NFIB: variants seen among roughly 807,000 people sequenced by gnomAD.
NFIB encodes the protein nuclear factor 1 B-type.
Under a neutral mutation model 61.5 loss-of-function variants are expected in NFIB, and 11 were observed. The ratio of observed to expected loss-of-function variants is 0.18; its 90% CI spans 0.11 to 0.30. The LOEUF (loss-of-function observed/expected upper bound fraction) is 0.30, where lower values mean the gene tolerates loss of function less well. Ranked by LOEUF, NFIB falls within the 10% of genes least tolerant of loss-of-function variation. The pLI is 1.00. For synonymous variants in NFIB, 260 were observed against 216.5 expected (o/e 1.20, Z -1.76); for missense variants, 471 against 608.9 (o/e 0.77, Z 2.38).
At chr9:14,294,330 T>C (rs2059284911) in intron 2 of NFIB, among the ~76,000 whole-genome samples, 2 of 152,250 alleles carry the variant, frequency 1.3e-5, no homozygotes, top group South Asian at 2.1e-4. Flanking sequence ...CAAGCATCTC[T>C]GAGAGGCTAT....
At chr9:14,235,084 G>T (rs182329676) in intron 2 of NFIB, among the ~76,000 whole-genome samples, 1 of 152,172 alleles carries the variant, frequency 6.6e-6, no homozygotes, top group Admixed American at 6.5e-5. Flanking sequence ...GCCTATAGAG[G>T]ATAATGATAA....
At chr9:14,178,379 A>C (rs1388823232) in intron 3 of NFIB, among the ~76,000 whole-genome samples, 2 of 152,224 alleles carry the variant, frequency 1.3e-5, no homozygotes, top group Admixed American at 6.5e-5. Flanking sequence ...ATTCACACAC[A>C]ACAAAATAAA....
chr9:14,385,820 T>C (rs989138785), intron 1 of NFIB, among the ~76,000 whole-genome samples: 1 of 151,894 alleles, frequency 6.6e-6, no homozygotes, highest in Admixed American at 6.6e-5. Context: ...TGTTTCTCTG[T>C]TTCCCAGGCT....
upstream of NFIB, among the ~76,000 whole-genome samples, chr9:14,401,693 C>T (rs1343274288): frequency 6.6e-6 from 1 of 152,166 alleles, no homozygotes; most frequent in Non-Finnish European, 1.5e-5. Context: ...TGGAAATAAG[C>T]AGTGATGCTG....
At chr9:14,429,840 A>C in the NFIB span, among the ~76,000 whole-genome samples, 1 of 152,314 alleles carries the variant, frequency 6.6e-6, no homozygotes, top group Middle Eastern at 3.4e-3. Context: ...CTGATGTAAT[A>C]AATTATTTTC....
intron 1 of NFIB, among the ~76,000 whole-genome samples, chr9:14,363,320 G>C (rs1306137940): frequency 6.6e-6 from 1 of 152,162 alleles, no homozygotes. Flanking sequence ...ACTGGCTACA[G>C]TTTTCAGCTT....
the NFIB span, among the ~76,000 whole-genome samples, chr9:14,406,541 G>C: frequency 6.6e-6 from 1 of 152,146 alleles, no homozygotes; most frequent in Admixed American, 6.5e-5. Flanking sequence ...TGATTGTGCT[G>C]TGTGTAGAAG....
the NFIB span, among the ~76,000 whole-genome samples, chr9:14,526,358 A>G: frequency 6.6e-6 from 1 of 152,212 alleles, no homozygotes; most frequent in Non-Finnish European, 1.5e-5. Context: ...TGAAATAATA[A>G]TAATGATCAT....
At chr9:14,453,976 G>A in the NFIB span, among the ~76,000 whole-genome samples, 2 of 152,032 alleles carry the variant, frequency 1.3e-5, no homozygotes, top group African/African-American at 4.8e-5. Context: ...TACTCAGGAG[G>A]CTGAGGCAGG....
rs67877825 is a variant in NFIB, at chr9:14,354,780, C to CTGTGTGTGTGTG, written c.108+43732_108+43743dup. ...TGGTTATCTCTATGTAATGGGTACT[C>CTGTGTGTGTGTG]TGTGTGTGTGTGTGTGTGTGTGTGT... On this transcript the variant is annotated intron_variant, in intron 1 of 8. Transcript: ENST00000380934. 8.0e-3 allele frequency among the ~76,000 whole-genome samples: 1,171 copies of CTGTGTGTGTGTG among 145,848 alleles called. 13 individuals carry two copies. The highest frequency in any genetic ancestry group is 0.026 in the African/African-American group (1,030 of 39,160).
chr9:14,486,443 G>T, the NFIB span, among the ~76,000 whole-genome samples: 6 of 152,144 alleles, frequency 3.9e-5, no homozygotes, highest in African/African-American at 1.4e-4. Context: ...TGGTGATCTG[G>T]ATTAAAAACT....
chr9:14,271,536 T>C (rs1366676274), intron 2 of NFIB, among the ~76,000 whole-genome samples: 3 of 151,894 alleles, frequency 2.0e-5, no homozygotes, highest in Non-Finnish European at 4.4e-5. Flanking sequence ...GGAATAAACA[T>C]GTATTAGGAC....
chr9:14,514,550 G>C, the NFIB span, among the ~76,000 whole-genome samples: 1 of 152,086 alleles, frequency 6.6e-6, no homozygotes, highest in African/African-American at 2.4e-5. Context: ...TACCTCTAAA[G>C]CTAATTCCAG....
At chr9:14,216,792 A>C (rs750637566) in intron 2 of NFIB, among the ~76,000 whole-genome samples, 1 of 152,196 alleles carries the variant, frequency 6.6e-6, no homozygotes, top group Non-Finnish European at 1.5e-5. Context: ...CTTTCAGCCA[A>C]ATTTTCTAAA....
chr9:14,497,975 C>G, the NFIB span, among the ~76,000 whole-genome samples: 1 of 152,208 alleles, frequency 6.6e-6, no homozygotes, highest in Non-Finnish European at 1.5e-5. Context: ...ACTCCTGGAT[C>G]TAAACTTGCC....
At chr9:14,499,499 T>C in the NFIB span, among the ~76,000 whole-genome samples, 1 of 152,214 alleles carries the variant, frequency 6.6e-6, no homozygotes, top group Non-Finnish European at 1.5e-5. Flanking sequence ...AAGTCAACTC[T>C]CAATGAATAC....
the NFIB span, among the ~76,000 whole-genome samples, chr9:14,475,584 G>A: frequency 1.3e-5 from 2 of 152,176 alleles, no homozygotes; most frequent in Admixed American, 6.5e-5. Flanking sequence ...CTTGCTGACA[G>A]CCCGTATTCC....
At chr9:14,445,758 C>T in the NFIB span, among the ~76,000 whole-genome samples, 2 of 152,138 alleles carry the variant, frequency 1.3e-5, no homozygotes, top group Non-Finnish European at 2.9e-5. Context: ...GCTGTGTTCT[C>T]GAATGAGATT....
chr9:14,129,794 T>C (rs534744179), intron 6 of NFIB, among the ~76,000 whole-genome samples: 3 of 152,254 alleles, frequency 2.0e-5, no homozygotes, highest in Non-Finnish European at 2.9e-5. Flanking sequence ...AGTTGAATAA[T>C]GCATAAATAT....
Sources: allele counts gnomAD v4.1 joint callset (sites outside exome capture counted in the v4.1 genomes callset), GRCh38; gene constraint gnomAD v4.1.1; transcripts MANE v1.5; gene names NCBI Gene and HGNC (gene_info 2026-07-23, HGNC 2026-07-21).